Variants in TCF7L2 observed in about 807,000 individuals in gnomAD.
The protein encoded by TCF7L2 is transcription factor 7-like 2.
In TCF7L2, 23 loss-of-function variants were observed where a neutral mutation model predicts 77.9. That is an observed-to-expected ratio of 0.30 (90% CI 0.21 to 0.42). The LOEUF is 0.42. Among genes scored for constraint, TCF7L2 ranks in the 10% least tolerant of loss-of-function variants. The pLI, the probability that TCF7L2 is intolerant of heterozygous loss-of-function variation, is 1.00. For missense variants in TCF7L2, 654 were observed against 793.1 expected (o/e 0.82, Z 2.11); for synonymous variants, 413 against 340.2 (o/e 1.21, Z -2.36).
At chr10:113,018,392 G>C (rs1399763194) in intron 4 of TCF7L2, among the ~76,000 whole-genome samples, 1 of 149,890 alleles carries the variant, frequency 6.7e-6, no homozygotes, top group African/African-American at 2.5e-5. Context: ...TTTCATGAAA[G>C]GTTCCCCTCT....
At chr10:112,965,588 G>C (rs1272429289) in intron 4 of TCF7L2, among the ~76,000 whole-genome samples, 1 of 151,624 alleles carries the variant, frequency 6.6e-6, no homozygotes, top group Admixed American at 6.6e-5. Flanking sequence ...CTTCTTTTCT[G>C]GGCAAGAGCC....
chr10:113,118,664 G>GTTTTTTTTT (rs78459197), intron 5 of TCF7L2, among the ~76,000 whole-genome samples: 2 of 68,268 alleles, frequency 2.9e-5, no homozygotes, highest in East Asian at 2.3e-4. Flanking sequence ...GTTTTTTTTT[G>GTTTTTTTTT]TTTTTTTTTT....
chr10:113,046,019 G>A (rs2053382989), intron 5 of TCF7L2, among the ~76,000 whole-genome samples: 2 of 152,160 alleles, frequency 1.3e-5, no homozygotes, highest in African/African-American at 4.8e-5. Context: ...AGGAAGAAGT[G>A]GTAGATGGGA....
intron 4 of TCF7L2, among the ~76,000 whole-genome samples, chr10:113,025,346 C>G (rs2133953003): frequency 6.7e-6 from 1 of 150,146 alleles, no homozygotes; most frequent in South Asian, 2.1e-4. Flanking sequence ...TCAAGTGATT[C>G]TCCTGTCTCA....
At chr10:112,996,967 G>A (rs1007354085) in intron 4 of TCF7L2, among the ~76,000 whole-genome samples, 1 of 152,230 alleles carries the variant, frequency 6.6e-6, no homozygotes, top group African/African-American at 2.4e-5. Context: ...CATGATGGTG[G>A]AAAGTGATGT....
At chr10:113,094,074 G>A (rs2060674182) in intron 5 of TCF7L2, among the ~76,000 whole-genome samples, 1 of 152,050 alleles carries the variant, frequency 6.6e-6, no homozygotes. Flanking sequence ...TGCATTTTTT[G>A]GGGTGTGTGT....
At chr10:112,980,616 G>A (rs1320055733) in intron 4 of TCF7L2, among the ~76,000 whole-genome samples, 1 of 151,770 alleles carries the variant, frequency 6.6e-6, no homozygotes, top group Non-Finnish European at 1.5e-5. Flanking sequence ...GGAATCCAGC[G>A]GCATTTGTTT....
At chr10:113,021,927 G>C (rs781448367) in intron 4 of TCF7L2, among the ~76,000 whole-genome samples, 20 of 152,168 alleles carry the variant, frequency 1.3e-4, no homozygotes, top group Non-Finnish European at 2.5e-4. Flanking sequence ...TTTATGCCTT[G>C]CGCTGGTAAG....
At chr10:113,062,336 T>A (rs886117973) in intron 5 of TCF7L2, among the ~76,000 whole-genome samples, 2 of 152,200 alleles carry the variant, frequency 1.3e-5, no homozygotes, top group Non-Finnish European at 2.9e-5. Context: ...TAGTGCCTGC[T>A]TAGTTCTTGT....
chr10:113,064,445 CA>C (rs1481613726), intron 5 of TCF7L2, among the ~76,000 whole-genome samples: 1 of 152,200 alleles, frequency 6.6e-6, no homozygotes, highest in African/African-American at 2.4e-5. Context: ...TGTTAAAGAA[CA>C]TTAAATAAAT....
chr10:113,026,318 AT>A (rs567225654), intron 4 of TCF7L2, among the ~76,000 whole-genome samples: 66 of 146,846 alleles, frequency 4.5e-4, no homozygotes, highest in Middle Eastern at 3.5e-3. Flanking sequence ...TGCCTGGCTA[AT>A]TTTTTTTTTT....
At chr10:113,155,646 T>C (rs1049229981) in intron 11 of TCF7L2, among the ~76,000 whole-genome samples, 1 of 152,240 alleles carries the variant, frequency 6.6e-6, no homozygotes, top group African/African-American at 2.4e-5. Context: ...ACGGGGATGC[T>C]TTTTCACACA....
chr10:113,020,393 C>G (rs1414130185), intron 4 of TCF7L2, among the ~76,000 whole-genome samples: 1 of 152,168 alleles, frequency 6.6e-6, no homozygotes, highest in Non-Finnish European at 1.5e-5. Flanking sequence ...ATTCTTCCAG[C>G]TGTGTGGTCC....
At chr10:112,988,544 G>A (rs763974595) in intron 4 of TCF7L2, among the ~76,000 whole-genome samples, 5 of 152,180 alleles carry the variant, frequency 3.3e-5, no homozygotes, top group African/African-American at 7.2e-5. Flanking sequence ...GAGATAGGCC[G>A]AGTGGGCCAC....
chr10:112,967,886 C>T (rs1388587860), intron 4 of TCF7L2, among the ~76,000 whole-genome samples: 1 of 152,142 alleles, frequency 6.6e-6, no homozygotes, highest in East Asian at 1.9e-4. Context: ...CCTCCTGCCT[C>T]GGCCTCCCAA....
intron 11 of TCF7L2, among the ~76,000 whole-genome samples, chr10:113,155,326 G>T (rs1436700434): frequency 5.9e-5 from 9 of 152,072 alleles, no homozygotes; most frequent in Non-Finnish European, 8.8e-5. Context: ...GAGGTCCCAT[G>T]CCATTTGCTC....
At chr10:113,138,466 A>G (rs1469898806) in intron 5 of TCF7L2, among the ~76,000 whole-genome samples, 1 of 152,154 alleles carries the variant, frequency 6.6e-6, no homozygotes, top group African/African-American at 2.4e-5. Context: ...CCCAAACGCT[A>G]TCTTCCTCTT....
At chr10:113,023,111 C>T (rs2133904724) in intron 4 of TCF7L2, among the ~76,000 whole-genome samples, 1 of 152,212 alleles carries the variant, frequency 6.6e-6, no homozygotes, top group East Asian at 1.9e-4. Context: ...GTTTCCTGGG[C>T]ACATTGGCAT....
chr10:113,045,413 A>G (rs2053261024), intron 5 of TCF7L2, among the ~76,000 whole-genome samples: 1 of 152,182 alleles, frequency 6.6e-6, no homozygotes, highest in African/African-American at 2.4e-5. Flanking sequence ...ACCACTGCAG[A>G]GAAGCTGGGA....
Sources: allele counts gnomAD v4.1 joint callset (sites outside exome capture counted in the v4.1 genomes callset), GRCh38; gene constraint gnomAD v4.1.1; transcripts MANE v1.5; gene names NCBI Gene and HGNC (gene_info 2026-07-23, HGNC 2026-07-21).